DPYD: variants seen among roughly 807,000 people sequenced by gnomAD.
DPYD encodes dihydropyrimidine dehydrogenase, also known as dihydropyrimidine dehydrogenase [NADP(+)].
Under a neutral mutation model 116.2 loss-of-function variants are expected in DPYD, and 109 were observed. That is an observed-to-expected ratio of 0.94 (90% confidence interval 0.80 to 1.10). The LOEUF (loss-of-function observed/expected upper bound fraction) is 1.10, where lower values mean the gene tolerates loss of function less well. Among genes scored for constraint, DPYD ranks in the 50% least tolerant of loss-of-function variants. The pLI is 0.00. For synonymous variants in DPYD, 440 were observed against 432.0 expected (o/e 1.02, Z -0.23); for missense variants, 1,302 against 1,254.5 (o/e 1.04, Z -0.57).
At chr1:97,140,842 A>G (rs1325328373) in intron 20 of DPYD, among the ~76,000 whole-genome samples, 1 of 152,162 alleles carries the variant, frequency 6.6e-6, no homozygotes, top group East Asian at 1.9e-4. Context: ...CATAGCCAAG[A>G]AGAGGAGCTT....
chr1:97,139,963 G>GA (rs1373761095), intron 20 of DPYD, among the ~76,000 whole-genome samples: 1 of 151,926 alleles, frequency 6.6e-6, no homozygotes, highest in Non-Finnish European at 1.5e-5. Flanking sequence ...CAAGCCAAGT[G>GA]ACAGAAGACA....
intron 15 of DPYD, among the ~76,000 whole-genome samples, chr1:97,381,726 C>T (rs982922365): frequency 2.0e-5 from 3 of 152,138 alleles, no homozygotes; most frequent in African/African-American, 7.2e-5. Context: ...CAAGGAACCC[C>T]AGCTAAGACT....
At chr1:97,379,798 G>A (rs1671840146) in intron 15 of DPYD, among the ~76,000 whole-genome samples, 1 of 152,220 alleles carries the variant, frequency 6.6e-6, no homozygotes, top group Non-Finnish European at 1.5e-5. Flanking sequence ...TGAGAGACAG[G>A]AGACTGAAGG....
At chr1:97,442,659 A>G (rs1675864401) in intron 14 of DPYD, among the ~76,000 whole-genome samples, 1 of 152,154 alleles carries the variant, frequency 6.6e-6, no homozygotes, top group Non-Finnish European at 1.5e-5. Context: ...CAAGGAGTCC[A>G]AAAACTTACA....
At chr1:97,652,493 GC>G (rs1658644751) in intron 8 of DPYD, among the ~76,000 whole-genome samples, 1 of 152,198 alleles carries the variant, frequency 6.6e-6, no homozygotes, top group South Asian at 2.1e-4. Context: ...CATGGATATG[GC>G]CCCCTTCCCA....
chr1:97,363,072 A>T (rs894603316), intron 16 of DPYD, among the ~76,000 whole-genome samples: 5 of 152,140 alleles, frequency 3.3e-5, no homozygotes, highest in Non-Finnish European at 7.4e-5. Flanking sequence ...AGGGCTAATA[A>T]CCAGAATCTA....
At chr1:97,323,789 G>A (rs1668560863) in intron 16 of DPYD, among the ~76,000 whole-genome samples, 1 of 149,732 alleles carries the variant, frequency 6.7e-6, no homozygotes, top group South Asian at 2.1e-4. Flanking sequence ...AGTACAAATA[G>A]CGTTCTTTAT....
rs533403444 is a variant in DPYD, at chr1:97,607,663, T to C, written c.851-12497A>G. ...AGAGAAAAGGAAGCTAAAGGAGATA[T>C]TGAAGAAGGACCAATCAGTCAGGAG... On this transcript the variant is annotated intron_variant, in intron 8 of 22. Transcript: ENST00000370192. Among the ~76,000 whole-genome samples the C allele has an allele frequency of 3.0e-4, 46 of 151,726 alleles. No homozygotes were observed. The East Asian group carries it at 8.2e-3, about 27-fold the overall frequency.
chr1:97,593,395 A>G lies in DPYD; in HGVS notation c.959-8T>C. 6.2e-7 allele frequency: 1 copy of G among 1,614,040 alleles called. No individual in the cohort carries two copies. Among genetic ancestry groups the G allele is most frequent in the South Asian group, 1.1e-5 (1 of 91,086 alleles). ...AGTGACAGGCGCACATTCCTGAATG[A>G]TGAAAGGAAAACCCCATTTTCAAGT... On this transcript the variant is annotated splice_region_variant and splice_polypyrimidine_tract_variant and intron_variant, in intron 9 of 22. Transcript: ENST00000370192.
intron 19 of DPYD, among the ~76,000 whole-genome samples, chr1:97,198,207 G>C (rs556106622): frequency 3.2e-4 from 48 of 152,232 alleles, no homozygotes; most frequent in East Asian, 7.7e-4. Flanking sequence ...TGCTGCTGCT[G>C]CTGGACCACA....
At position 97,154,885 on chromosome 1, in the gene DPYD, T is replaced by A. The variant is rs529088328; in HGVS notation, c.2622+38184A>T. On this transcript the variant is annotated intron_variant, in intron 20 of 22. Transcript: ENST00000370192. ...CTTATTCTTGTAACCAAACACCACC[T>A]GTCCTCCCAAAACCTATTGAAATAA... Among the ~76,000 whole-genome samples the A allele has an allele frequency of 6.6e-5, 10 of 152,150 alleles. No homozygotes were observed. In the South Asian group the frequency reaches 2.1e-3, roughly 32 times the overall value.
chr1:97,286,570 A>C (rs1258270352), intron 18 of DPYD, among the ~76,000 whole-genome samples: 3 of 152,098 alleles, frequency 2.0e-5, no homozygotes, highest in African/African-American at 7.2e-5. Context: ...TCAGACGTAG[A>C]TTTGGTCGTT....
intron 14 of DPYD, among the ~76,000 whole-genome samples, chr1:97,448,816 T>C (rs1676234700): frequency 6.6e-6 from 1 of 152,110 alleles, no homozygotes; most frequent in Non-Finnish European, 1.5e-5. Context: ...GTCACGATAG[T>C]TCCCTTCACA....
chr1:97,344,380 G>A (rs931270491), intron 16 of DPYD, among the ~76,000 whole-genome samples: 1 of 151,894 alleles, frequency 6.6e-6, no homozygotes, highest in African/African-American at 2.4e-5. Context: ...ACACACAGGT[G>A]TTGAGAATTG....
chr1:97,406,565 C>A (rs1462146823), intron 14 of DPYD, among the ~76,000 whole-genome samples: 2 of 149,514 alleles, frequency 1.3e-5, no homozygotes, highest in Non-Finnish European at 3.0e-5. Flanking sequence ...CCCCCACCCC[C>A]CGACAGGCCC....
chr1:97,556,520 A>C (rs867160947), intron 11 of DPYD, among the ~76,000 whole-genome samples: 1,127 of 95,440 alleles, frequency 0.012, 22 homozygotes, highest in African/African-American at 0.043. Context: ...CCCACCCCAC[A>C]ACAGTCCCCA....
chr1:97,866,876 A>G (rs557990638), intron 2 of DPYD, among the ~76,000 whole-genome samples: 5 of 151,974 alleles, frequency 3.3e-5, no homozygotes, highest in Admixed American at 6.6e-5. Flanking sequence ...GGAAGTGTTC[A>G]TGAAAAATCA....
At chr1:97,778,344 AAC>A (rs1361816002) in intron 3 of DPYD, among the ~76,000 whole-genome samples, 1 of 151,954 alleles carries the variant, frequency 6.6e-6, no homozygotes, top group Non-Finnish European at 1.5e-5. Flanking sequence ...TAAATTCTTC[AAC>A]AGTCTTGTGT....
At chr1:97,686,405 G>T (rs1307553119) in intron 7 of DPYD, among the ~76,000 whole-genome samples, 4 of 151,964 alleles carry the variant, frequency 2.6e-5, no homozygotes, top group African/African-American at 9.7e-5. Flanking sequence ...GGGAGGCCGA[G>T]GCGGGCGGAT....
Sources: allele counts gnomAD v4.1 joint callset (sites outside exome capture counted in the v4.1 genomes callset), GRCh38; gene constraint gnomAD v4.1.1; transcripts MANE v1.5; gene names NCBI Gene and HGNC (gene_info 2026-07-23, HGNC 2026-07-21).